Variants in CNTN3 observed in about 807,000 individuals in gnomAD.
The protein encoded by CNTN3 is contactin-3.
CNTN3 carries 60 observed loss-of-function variants against 119.1 expected under a neutral mutation model. The observed-to-expected ratio is 0.50, with a 90% confidence interval of 0.41 to 0.62. The LOEUF (loss-of-function observed/expected upper bound fraction) is 0.62, where lower values mean the gene tolerates loss of function less well. Among genes scored for constraint, CNTN3 ranks in the 20% least tolerant of loss-of-function variants. The pLI, the probability that CNTN3 is intolerant of heterozygous loss-of-function variation, is 0.00. For synonymous variants in CNTN3, 450 were observed against 438.7 expected, an observed-to-expected ratio of 1.03 and a Z score of -0.32; for missense variants, 1,101 against 1,242.4, an observed-to-expected ratio of 0.89 and a Z score of 1.71.
chr3:74,313,607 C>A (rs998858032), intron 13 of CNTN3, among the ~76,000 whole-genome samples: 2 of 152,104 alleles, frequency 1.3e-5, no homozygotes, highest in Non-Finnish European at 2.9e-5. Context: ...TCTGTGCATA[C>A]GTGGGAGTCT....
intron 1 of CNTN3, among the ~76,000 whole-genome samples, chr3:74,592,234 A>C (rs1704715673): frequency 6.6e-6 from 1 of 151,898 alleles, no homozygotes; most frequent in Admixed American, 6.6e-5. Flanking sequence ...GCCAGATCAG[A>C]AGGCAGACTG....
chr3:74,505,132 A>T (rs1267499615), intron 2 of CNTN3, among the ~76,000 whole-genome samples: 1 of 151,898 alleles, frequency 6.6e-6, no homozygotes, highest in Non-Finnish European at 1.5e-5. Context: ...GTCATAATGG[A>T]TGAGGGCCCA....
chr3:74,527,031 T>C (rs1193133568), intron 1 of CNTN3, among the ~76,000 whole-genome samples: 1 of 151,940 alleles, frequency 6.6e-6, no homozygotes, highest in East Asian at 1.9e-4. Flanking sequence ...TTTATTACAC[T>C]GAAAAATAAT....
chr3:74,407,387 G>C (rs1426632916), intron 5 of CNTN3, among the ~76,000 whole-genome samples: 4 of 148,256 alleles, frequency 2.7e-5, no homozygotes, highest in African/African-American at 9.9e-5. Flanking sequence ...TCCTGCCTCA[G>C]CCTCTGAAGT....
At chr3:74,439,327 C>T (rs1701922481) in intron 4 of CNTN3, among the ~76,000 whole-genome samples, 1 of 151,918 alleles carries the variant, frequency 6.6e-6, no homozygotes, top group Admixed American at 6.6e-5. Flanking sequence ...GCCAACATGG[C>T]AAAACCCCAC....
chr3:74,317,209 T>C (rs1442315898), intron 13 of CNTN3, among the ~76,000 whole-genome samples: 1 of 150,074 alleles, frequency 6.7e-6, no homozygotes, highest in Non-Finnish European at 1.5e-5. Flanking sequence ...CCTCCATCCC[T>C]TTATTTTGAG....
At chr3:74,348,573 AC>A (rs1317128104) in intron 11 of CNTN3, among the ~76,000 whole-genome samples, 1 of 152,004 alleles carries the variant, frequency 6.6e-6, no homozygotes, top group African/African-American at 2.4e-5. Context: ...GCCTACACTC[AC>A]CCATGCGGAG....
intron 13 of CNTN3, among the ~76,000 whole-genome samples, chr3:74,330,647 G>C (rs936082284): frequency 2.6e-5 from 4 of 151,928 alleles, no homozygotes; most frequent in Non-Finnish European, 5.9e-5. Flanking sequence ...GTCTCATATA[G>C]GTCCTTCAGG....
At position 74,492,207 on chromosome 3, in the gene CNTN3, A is replaced by G. The variant is rs113751983; in HGVS notation, c.183-5576T>C. ...ACAAGTGAGAAATGATTTATTACTCATATTTCACAAATCTAGTAATTCTCA... is the reference window on the plus strand; with the variant it reads ...ACAAGTGAGAAATGATTTATTACTCGTATTTCACAAATCTAGTAATTCTCA... On this transcript the variant is annotated intron_variant, in intron 3 of 22. Transcript: ENST00000263665. Among the ~76,000 whole-genome samples, 45 of 152,292 alleles carry G rather than the reference A, an allele frequency of 3.0e-4. 1 individual carries two copies. The highest frequency in any genetic ancestry group is 2.5e-3 in the East Asian group (13 of 5,176).
chr3:74,286,263 A>T (rs1702114796), intron 19 of CNTN3, among the ~76,000 whole-genome samples: 1 of 152,188 alleles, frequency 6.6e-6, no homozygotes, highest in Admixed American at 6.5e-5. Flanking sequence ...CCTGCTAGCA[A>T]GAAAATGTCA....
chr3:74,457,641 C>T (rs557281573), intron 4 of CNTN3, among the ~76,000 whole-genome samples: 4 of 152,002 alleles, frequency 2.6e-5, no homozygotes, highest in South Asian at 4.2e-4. Flanking sequence ...TGATTCATCA[C>T]GTGTGCCACA....
intron 4 of CNTN3, among the ~76,000 whole-genome samples, chr3:74,461,439 C>A (rs1702366148): frequency 1.3e-5 from 2 of 151,868 alleles, no homozygotes; most frequent in African/African-American, 4.8e-5. Context: ...GGTAATTAGA[C>A]CTAGAGGCTT....
At chr3:74,511,543 C>T (rs1426391861) in intron 2 of CNTN3, among the ~76,000 whole-genome samples, 1 of 151,948 alleles carries the variant, frequency 6.6e-6, no homozygotes, top group Non-Finnish European at 1.5e-5. Context: ...TGGTGGTGTG[C>T]CTGTAGTCCC....
chr3:74,309,451 G>A (rs184313880), intron 13 of CNTN3, among the ~76,000 whole-genome samples: 1 of 152,094 alleles, frequency 6.6e-6, no homozygotes, highest in African/African-American at 2.4e-5. Flanking sequence ...GCTACCTGTT[G>A]AGTACAGAGT....
At chr3:74,492,155 C>T (rs1702976310) in intron 3 of CNTN3, among the ~76,000 whole-genome samples, 2 of 152,118 alleles carry the variant, frequency 1.3e-5, no homozygotes, top group African/African-American at 2.4e-5. Flanking sequence ...ACTCATTTTA[C>T]ACAAATTAGA....
Position 74,485,740 on chromosome 3 carries a change from GAAA to G in CNTN3, c.358+713_358+715del, listed in dbSNP as rs5850178. On this transcript the variant is annotated intron_variant, in intron 4 of 22. Coordinates refer to ENST00000263665, the MANE Select transcript of CNTN3 (RefSeq NM_020872.3). ...TAAAATAAAGAGAGACTAATAAAAA[GAAA>G]AAAAAAAAAGAGAAAATAAGCAAAG... is the stretch of plus-strand genomic sequence containing the variant. 2.5e-4 allele frequency among the ~76,000 whole-genome samples: 36 copies of G among 145,148 alleles called. 2 individuals are homozygous for G. The highest frequency in any genetic ancestry group is 8.3e-4 in the African/African-American group (32 of 38,730).
intron 13 of CNTN3, among the ~76,000 whole-genome samples, chr3:74,308,612 G>A (rs1702612496): frequency 1.3e-5 from 2 of 151,086 alleles, no homozygotes; most frequent in Admixed American, 6.6e-5. Flanking sequence ...TTAACAACTT[G>A]GGAATTTTTT....
At chr3:74,331,303 C>A (rs1403951639) in intron 13 of CNTN3, among the ~76,000 whole-genome samples, 8 of 152,166 alleles carry the variant, frequency 5.3e-5, no homozygotes, top group African/African-American at 1.9e-4. Flanking sequence ...CTGCCCACAG[C>A]ATTCAGGGCA....
At chr3:74,578,916 T>C (rs1704458760) in intron 1 of CNTN3, among the ~76,000 whole-genome samples, 9 of 152,040 alleles carry the variant, frequency 5.9e-5, no homozygotes, top group Admixed American at 5.2e-4. Flanking sequence ...CTCAAACATA[T>C]CAATAACTGC....
Sources: gnomAD v4.1 joint callset for allele counts (sites outside exome capture counted in the v4.1 genomes callset) on GRCh38, gnomAD v4.1.1 for gene constraint, MANE v1.5 for transcripts, NCBI Gene and HGNC (gene_info 2026-07-23, HGNC 2026-07-21) for gene names.